Variants in SAMHD1 observed in about 807,000 individuals in gnomAD.
The protein encoded by SAMHD1 is SAM and HD domain containing deoxynucleoside triphosphate triphosphohydrolase 1.
A neutral mutation model predicts 79.6 loss-of-function variants in SAMHD1; 54 were observed. That is an observed-to-expected ratio of 0.68 (90% confidence interval 0.55 to 0.85). The LOEUF is 0.85. Among genes scored for constraint, SAMHD1 ranks in the 40% least tolerant of loss-of-function variants. The pLI, the probability that SAMHD1 is intolerant of heterozygous loss-of-function variation, is 0.00. For missense variants in SAMHD1, 663 were observed against 782.7 expected (o/e 0.85, Z 1.82); for synonymous variants, 260 against 264.1 (o/e 0.98, Z 0.15).
At chr20:36,939,352 G>C (rs550175059) in intron 3 of SAMHD1, among the ~76,000 whole-genome samples, 12 of 152,014 alleles carry the variant, frequency 7.9e-5, no homozygotes, top group African/African-American at 2.4e-4. Context: ...CAACACTTTG[G>C]GAGGCCAAGG....
intron 11 of SAMHD1, among the ~76,000 whole-genome samples, chr20:36,909,828 T>C (rs1334053245): frequency 6.6e-6 from 1 of 152,028 alleles, no homozygotes; most frequent in Non-Finnish European, 1.5e-5. Context: ...TAATGTTAAA[T>C]GGCCAAGTCA....
chr20:36,905,284 T>C (rs776886611), intron 12 of SAMHD1, 80 bp downstream of exon 12: 3 of 1,418,816 alleles, frequency 2.1e-6, no homozygotes, highest in African/African-American at 1.4e-5. Flanking sequence ...TACAGAGTCA[T>C]AGTATCACGA....
At chr20:36,912,202 G>A (rs767534968) in intron 10 of SAMHD1, 33 of 471,668 alleles carry the variant, frequency 7.0e-5, no homozygotes, top group Admixed American at 1.3e-4. Context: ...GCCGCTTCAC[G>A]TCTGGCCTAA....
intron 3 of SAMHD1, 23 bp from the exon 4 acceptor site, chr20:36,935,212 T>C (rs952288660): frequency 1.3e-6 from 2 of 1,594,344 alleles, no homozygotes; most frequent in Non-Finnish European, 1.7e-6. Flanking sequence ...GTTTAATTAA[T>C]ACAAATAACG....
chr20:36,949,483 G>A (rs1318368028), intron 1 of SAMHD1, among the ~76,000 whole-genome samples: 1 of 149,830 alleles, frequency 6.7e-6, no homozygotes, highest in Non-Finnish European at 1.5e-5. Flanking sequence ...GAGGCCGGGC[G>A]CGGTGGCTCA....
chr20:36,903,355 A>T (rs8117124), intron 13 of SAMHD1, among the ~76,000 whole-genome samples: 33 of 140,034 alleles, frequency 2.4e-4, no homozygotes, highest in Middle Eastern at 4.8e-3. Context: ...TTCTCCTGCC[A>T]CAGCCTCCTG....
At chr20:36,908,892 C>T (rs1424206215) in intron 11 of SAMHD1, among the ~76,000 whole-genome samples, 1 of 152,154 alleles carries the variant, frequency 6.6e-6, no homozygotes, top group Non-Finnish European at 1.5e-5. Context: ...TTTTCAGAGC[C>T]TCCAGCCTTT....
At chr20:36,900,448 G>A (rs1568760471) in intron 13 of SAMHD1, among the ~76,000 whole-genome samples, 1 of 152,048 alleles carries the variant, frequency 6.6e-6, no homozygotes, top group Non-Finnish European at 1.5e-5. Context: ...GTTTCACCAT[G>A]TTGACCAGGC....
chr20:36,923,500 G>A (rs1462876649), intron 6 of SAMHD1, among the ~76,000 whole-genome samples: 2 of 152,058 alleles, frequency 1.3e-5, no homozygotes, highest in African/African-American at 2.4e-5. Context: ...ATATATCAAT[G>A]CCAACTGTGA....
intron 13 of SAMHD1, among the ~76,000 whole-genome samples, chr20:36,903,390 C>T (rs950387268): frequency 4.4e-4 from 67 of 151,330 alleles, no homozygotes; most frequent in Non-Finnish European, 1.0e-4. Flanking sequence ...CAGGCACACA[C>T]CACCATACCC....
At chr20:36,947,017 G>T (rs551770052) in intron 1 of SAMHD1, 8 of 444,150 alleles carry the variant, frequency 1.8e-5, no homozygotes, top group Non-Finnish European at 3.2e-5. Flanking sequence ...TAAATCACGT[G>T]AAAATTTCAA....
At chr20:36,921,413 C>T (rs867698778) in intron 6 of SAMHD1, among the ~76,000 whole-genome samples, 5 of 71,764 alleles carry the variant, frequency 7.0e-5, no homozygotes, top group Non-Finnish European at 1.4e-4. Context: ...AAAAAAAAAA[C>T]GAATTGAATC....
In SAMHD1 at chr20:36,946,768, T is replaced by C. The variant is rs766604213; in HGVS notation, c.245A>G (p.Asp82Gly). Reference protein sequence around the residue: ...EITGALLPCLDESRFENLGVS... With the variant: ...EITGALLPCLGESRFENLGVS... ...TCCAAGATTTTCAAAACGAGACTCATCAAGACAAGGCAGTAATGCGCCTGT... is the reference window on the plus strand; with the variant it reads ...TCCAAGATTTTCAAAACGAGACTCACCAAGACAAGGCAGTAATGCGCCTGT... The change falls in exon 2 of 16, where the codon GAT (aspartate) becomes GGT (glycine). Residue 82 changes from aspartate (D) to glycine (G), a missense_variant. Physicochemically the swap from Asp to Gly is moderately conservative, Grantham distance 94. Coordinates refer to ENST00000646673, the MANE Select transcript of SAMHD1 (RefSeq NM_015474.4). The C allele has an allele frequency of 6.8e-6, 11 of 1,613,332 alleles. No homozygotes were observed. The South Asian group carries it at 1.1e-4, about 16-fold the overall frequency.
At chr20:36,904,355 A>G (rs956988520) in intron 12 of SAMHD1, 106 bp from the exon 13 acceptor site, 2 of 792,328 alleles carry the variant, frequency 2.5e-6, no homozygotes, top group Admixed American at 3.5e-5. Context: ...AAAAACGATT[A>G]GAGATATCCT....
intron 3 of SAMHD1, 196 bp from the exon 4 acceptor site, chr20:36,935,385 G>T: frequency 1.7e-6 from 1 of 585,222 alleles, no homozygotes; most frequent in Non-Finnish European, 3.0e-6. Flanking sequence ...TATTGGATTT[G>T]AGTATATTTT....
intron 9 of SAMHD1, among the ~76,000 whole-genome samples, chr20:36,914,076 GTACTATAC>G (rs1267316492): frequency 6.6e-6 from 1 of 150,582 alleles, no homozygotes; most frequent in African/African-American, 2.5e-5. Context: ...CTATAGTATA[GTACTATAC>G]TACTTTTTGA....
chr20:36,946,228 T>C (rs1323674627), intron 2 of SAMHD1, among the ~76,000 whole-genome samples: 1 of 151,804 alleles, frequency 6.6e-6, no homozygotes, highest in Non-Finnish European at 1.5e-5. Context: ...CTGGCTAACA[T>C]GGTGAAACCC....
intron 9 of SAMHD1, chr20:36,916,421 C>CA: frequency 2.9e-6 from 1 of 340,530 alleles, no homozygotes; most frequent in South Asian, 2.6e-5. Context: ...CACTTGAGCT[C>CA]AGGAGTTCAA....
intron 6 of SAMHD1, 138 bp downstream of exon 6, chr20:36,927,044 A>ATG (rs2063540821): frequency 1.1e-5 from 8 of 701,184 alleles, no homozygotes; most frequent in South Asian, 9.4e-5. Flanking sequence ...ATATATATAT[A>ATG]TGTGAATGAA....
Sources: allele counts gnomAD v4.1 joint callset (sites outside exome capture counted in the v4.1 genomes callset), GRCh38; gene constraint gnomAD v4.1.1; transcripts MANE v1.5; gene names NCBI Gene and HGNC (gene_info 2026-07-23, HGNC 2026-07-21).